Variants in TYW1B observed in about 807,000 individuals in gnomAD.
The protein encoded by TYW1B is S-adenosyl-L-methionine-dependent tRNA 4-demethylwyosine synthase TYW1B.
TYW1B carries 73 observed loss-of-function variants against 86.9 expected under a neutral mutation model. The observed-to-expected ratio is 0.84, with a 90% CI of 0.70 to 1.02. The LOEUF (loss-of-function observed/expected upper bound fraction) is 1.02, where lower values mean the gene tolerates loss of function less well. Among genes scored for constraint, TYW1B ranks in the 50% least tolerant of loss-of-function variants. TYW1B has a pLI of 0.00. For missense variants in TYW1B, 637 were observed against 827.4 expected, an observed-to-expected ratio of 0.77 and a Z score of 2.82; for synonymous variants, 248 against 292.8, an observed-to-expected ratio of 0.85 and a Z score of 1.56.
rs546511484 is a variant in TYW1B, at chr7:72,721,892, A to G, written c.1192+6930T>C. Among the ~76,000 whole-genome samples the G allele has an allele frequency of 2.0e-5, 3 of 152,328 alleles. 1 individual carries two copies. The South Asian group carries it at 6.2e-4, about 32-fold the overall frequency. ...TGAAAGATGACAAAGCCAGAACTTA[A>G]GATCCTAAAATTTTCATTCTAATGT... On this transcript the variant is annotated intron_variant, in intron 9 of 13. Transcript: ENST00000620995.
intron 13 of TYW1B, among the ~76,000 whole-genome samples, chr7:72,578,201 C>T (rs1205618614): frequency 2.0e-5 from 3 of 151,196 alleles, no homozygotes; most frequent in Admixed American, 6.6e-5. Context: ...GCAAGCTCTG[C>T]CTCCCGGGTT....
At chr7:72,727,334 G>A (rs1194436906) in intron 9 of TYW1B, among the ~76,000 whole-genome samples, 3 of 152,044 alleles carry the variant, frequency 2.0e-5, no homozygotes, top group Non-Finnish European at 4.4e-5. Flanking sequence ...TGCATATGAC[G>A]GAAAAGAAGA....
rs190784908 is a variant in TYW1B at position 72,768,340 on chromosome 7, C to T, written c.964+9076G>A. 7.2e-5 allele frequency among the ~76,000 whole-genome samples: 11 copies of T among 152,222 alleles called. No individual in the cohort carries two copies. The East Asian group carries it at 2.1e-3, about 29-fold the overall frequency. The stretch of plus-strand genomic sequence containing the variant: ...TCCGCCCCCTCGGCCACTGACCCCC[C>T]GAAGAGCTCCTGCCACCGCTCTAGG... On this transcript the variant is annotated intron_variant, in intron 7 of 13. Coordinates refer to ENST00000620995, the MANE Select transcript of TYW1B (RefSeq NM_001145440.3).
intron 12 of TYW1B, among the ~76,000 whole-genome samples, chr7:72,618,932 T>C (rs571027251): frequency 2.6e-5 from 4 of 152,326 alleles, no homozygotes; most frequent in Admixed American, 2.0e-4. Flanking sequence ...GGAACCAACA[T>C]GGCCAATGGA....
intron 13 of TYW1B, among the ~76,000 whole-genome samples, chr7:72,591,896 T>G (rs1811403669): frequency 6.6e-6 from 1 of 152,094 alleles, no homozygotes; most frequent in Non-Finnish European, 1.5e-5. Context: ...TGATCTCAGC[T>G]CACTGCAACT....
intron 13 of TYW1B, among the ~76,000 whole-genome samples, chr7:72,601,726 G>A (rs1186160058): frequency 2.6e-5 from 2 of 76,248 alleles, no homozygotes; most frequent in African/African-American, 1.1e-4. Flanking sequence ...ATGCACGAAA[G>A]AATCTTAAAT....
At chr7:72,593,279 G>C (rs1554431871) in intron 13 of TYW1B, among the ~76,000 whole-genome samples, 1 of 139,836 alleles carries the variant, frequency 7.2e-6, no homozygotes, top group East Asian at 2.1e-4. Context: ...GGCAACAAGA[G>C]CAAAACTCCA....
At chr7:72,749,370 T>G (rs1554464463) in intron 7 of TYW1B, among the ~76,000 whole-genome samples, 1 of 152,164 alleles carries the variant, frequency 6.6e-6, no homozygotes, top group East Asian at 1.9e-4. Flanking sequence ...CTCGGCTCAC[T>G]GCAAGCTCTG....
Position 72,728,941 on chromosome 7 carries a change from A to C in TYW1B, c.1083-10T>G. The C allele has an allele frequency of 6.2e-7, 1 of 1,612,256 alleles. No homozygotes were observed. The highest frequency in any genetic ancestry group is 1.1e-5 in the South Asian group (1 of 90,890). ...AGGGTTGTTGTGGTGCCTAGGAACA[A>C]GACGCAAAGTTCTAAAAGACCCTTC... On this transcript the variant is annotated splice_polypyrimidine_tract_variant and intron_variant, in intron 8 of 13. Transcript: ENST00000620995.
intron 12 of TYW1B, among the ~76,000 whole-genome samples, chr7:72,625,984 T>G (rs1291218767): frequency 2.2e-4 from 34 of 151,796 alleles, no homozygotes; most frequent in Non-Finnish European, 4.4e-4. Context: ...TGCAACATAA[T>G]TTGAGGCAGC....
chr7:72,709,174 G>A (rs558086039), intron 10 of TYW1B, among the ~76,000 whole-genome samples: 1 of 152,244 alleles, frequency 6.6e-6, no homozygotes, highest in East Asian at 1.9e-4. Flanking sequence ...ACTTGCTTTT[G>A]TTCTTCTCTT....
chr7:72,736,178 T>G (rs1240958372), intron 8 of TYW1B, among the ~76,000 whole-genome samples: 1 of 152,130 alleles, frequency 6.6e-6, no homozygotes, highest in African/African-American at 2.4e-5. Context: ...GACCTCACAT[T>G]CTGTATTTGT....
chr7:72,822,460 A>G (rs1554480644), intron 2 of TYW1B, among the ~76,000 whole-genome samples: 1 of 152,248 alleles, frequency 6.6e-6, no homozygotes. Context: ...AAATTTCCAG[A>G]AATCAAGGAC....
intron 6 of TYW1B, among the ~76,000 whole-genome samples, chr7:72,795,390 G>GT (rs1326314035): frequency 6.6e-6 from 1 of 151,288 alleles, no homozygotes; most frequent in East Asian, 2.0e-4. Context: ...GCCTCACCAT[G>GT]TTTTTTTGTT....
At chr7:72,628,014 G>A (rs782041606) in intron 12 of TYW1B, among the ~76,000 whole-genome samples, 5 of 152,102 alleles carry the variant, frequency 3.3e-5, no homozygotes, top group East Asian at 1.9e-4. Context: ...CACATCAGCC[G>A]GGCACAGTGG....
At chr7:72,579,322 C>A (rs562755132) in intron 13 of TYW1B, among the ~76,000 whole-genome samples, 27 of 152,266 alleles carry the variant, frequency 1.8e-4, no homozygotes, top group African/African-American at 6.3e-4. Context: ...ACAGGTAGGA[C>A]AACTGTAAGC....
At chr7:72,698,743 G>C (rs1283671772) in intron 10 of TYW1B, among the ~76,000 whole-genome samples, 1 of 152,112 alleles carries the variant, frequency 6.6e-6, no homozygotes, top group Non-Finnish European at 1.5e-5. Flanking sequence ...TCCTAACCCT[G>C]CACCATGATG....
At chr7:72,715,362 G>T (rs1281609811) in intron 9 of TYW1B, among the ~76,000 whole-genome samples, 10 of 152,172 alleles carry the variant, frequency 6.6e-5, no homozygotes, top group African/African-American at 2.4e-4. Context: ...GGGGCCTCGT[G>T]CATCAGGATT....
intron 4 of TYW1B, among the ~76,000 whole-genome samples, chr7:72,808,579 G>C (rs1218464417): frequency 1.3e-5 from 2 of 149,114 alleles, no homozygotes; most frequent in Non-Finnish European, 3.0e-5. Context: ...CCAGGCTGGA[G>C]TGCAATGGCA....
Sources: allele counts gnomAD v4.1 joint callset (sites outside exome capture counted in the v4.1 genomes callset), GRCh38; gene constraint gnomAD v4.1.1; transcripts MANE v1.5; gene names NCBI Gene and HGNC (gene_info 2026-07-23, HGNC 2026-07-21).